Variants in SDC2 observed in about 807,000 individuals in gnomAD.
SDC2 encodes the protein syndecan 2.
SDC2 carries 13 observed loss-of-function variants against 22.2 expected under a neutral mutation model. The observed-to-expected ratio is 0.59, with a 90% CI of 0.38 to 0.93. The LOEUF (loss-of-function observed/expected upper bound fraction) is 0.93. SDC2 is among the 40% of genes least tolerant of loss of function. SDC2 has a pLI of 0.00. For synonymous variants in SDC2, 94 were observed against 92.8 expected (o/e 1.01, Z -0.07); for missense variants, 235 against 246.8 (o/e 0.95, Z 0.32).
chr8:96,588,213 AC>A (rs974666112), intron 1 of SDC2, among the ~76,000 whole-genome samples: 10 of 151,994 alleles, frequency 6.6e-5, no homozygotes, highest in African/African-American at 2.2e-4. Flanking sequence ...CTACTTTGCT[AC>A]TCTGGTGTTC....
At chr8:96,500,149 A>C (rs952124882) in intron 1 of SDC2, among the ~76,000 whole-genome samples, 3 of 152,156 alleles carry the variant, frequency 2.0e-5, no homozygotes, top group Non-Finnish European at 2.9e-5. Context: ...AGAATAAAGA[A>C]GACATTGATG....
intron 1 of SDC2, among the ~76,000 whole-genome samples, chr8:96,564,204 T>A (rs1814257712): frequency 6.6e-6 from 1 of 152,228 alleles, no homozygotes; most frequent in African/African-American, 2.4e-5. Context: ...ATCATTCCTT[T>A]GTCTCATTCA....
At chr8:96,575,160 C>T (rs1368133569) in intron 1 of SDC2, among the ~76,000 whole-genome samples, 1 of 152,156 alleles carries the variant, frequency 6.6e-6, no homozygotes, top group East Asian at 1.9e-4. Flanking sequence ...AACCCCTGTT[C>T]TAGACAACCA....
intron 1 of SDC2, among the ~76,000 whole-genome samples, chr8:96,524,458 A>G (rs535327159): frequency 3.9e-5 from 6 of 152,300 alleles, no homozygotes; most frequent in Non-Finnish European, 8.8e-5. Context: ...AACTGGCTAC[A>G]AAGATTTAAT....
chr8:96,599,295 T>C (rs1302505914), intron 2 of SDC2, among the ~76,000 whole-genome samples: 1 of 152,144 alleles, frequency 6.6e-6, no homozygotes, highest in Admixed American at 6.5e-5. Flanking sequence ...GTTACAAATC[T>C]CTTCCCTCAT....
chr8:96,602,675 A>T (rs1172608673), intron 3 of SDC2, 147 bp downstream of exon 3: 1 of 800,764 alleles, frequency 1.2e-6, no homozygotes, highest in African/African-American at 1.7e-5. Flanking sequence ...CTTTTAAAAG[A>T]CCCCACTTAA....
At chr8:96,582,185 TG>T (rs1206846274) in intron 1 of SDC2, among the ~76,000 whole-genome samples, 1 of 151,606 alleles carries the variant, frequency 6.6e-6, no homozygotes, top group Non-Finnish European at 1.5e-5. Context: ...AAAAGTTGCT[TG>T]GTTGGCCATT....
intron 1 of SDC2, among the ~76,000 whole-genome samples, chr8:96,531,659 A>T (rs891000493): frequency 6.6e-6 from 1 of 152,248 alleles, no homozygotes; most frequent in Non-Finnish European, 1.5e-5. Context: ...CACTACCTCC[A>T]TCCTTAGATT....
chr8:96,549,207 C>G (rs994089463), intron 1 of SDC2, among the ~76,000 whole-genome samples: 1 of 152,202 alleles, frequency 6.6e-6, no homozygotes, highest in Non-Finnish European at 1.5e-5. Flanking sequence ...TATTTAAAAA[C>G]AATTTTGAAT....
At chr8:96,547,961 T>C (rs1020621175) in intron 1 of SDC2, among the ~76,000 whole-genome samples, 1 of 152,072 alleles carries the variant, frequency 6.6e-6, no homozygotes, top group African/African-American at 2.4e-5. Context: ...ATGGTTTTGC[T>C]ATGTTGCCCA....
intron 1 of SDC2, among the ~76,000 whole-genome samples, chr8:96,592,016 C>A (rs566302482): frequency 6.6e-6 from 1 of 152,146 alleles, no homozygotes; most frequent in African/African-American, 2.4e-5. Flanking sequence ...AACAGGGTGG[C>A]GTCAGATTGC....
At chr8:96,533,934 C>T (rs1336559547) in intron 1 of SDC2, among the ~76,000 whole-genome samples, 1 of 152,170 alleles carries the variant, frequency 6.6e-6, no homozygotes, top group Non-Finnish European at 1.5e-5. Flanking sequence ...TGGCGGGCTG[C>T]AGGTCCTGAG....
chr8:96,594,224 A>G (rs2130635481), intron 2 of SDC2, among the ~76,000 whole-genome samples: 1 of 152,264 alleles, frequency 6.6e-6, no homozygotes, highest in East Asian at 1.9e-4. Context: ...ACAGTCATTC[A>G]TTTAACTTAT....
chr8:96,534,766 G>A (rs1813725173), intron 1 of SDC2, among the ~76,000 whole-genome samples: 2 of 151,592 alleles, frequency 1.3e-5, no homozygotes, highest in African/African-American at 4.8e-5. Context: ...AATGGTTCTC[G>A]GGGTCATCTC....
rs193156116 is a variant in SDC2 at position 96,609,718 on chromosome 8, C to T, written c.*170C>T. The T allele has an allele frequency of 1.5e-5, 7 of 466,558 alleles. No homozygotes were observed. In the Admixed American group the frequency reaches 2.1e-4, roughly 14 times the overall value. The allele number at this position is 466,558 out of a possible 1,614,324, so 28.9% of individuals were successfully genotyped here. On this transcript the variant is annotated 3_prime_UTR_variant, in exon 5 of 5. Transcript: ENST00000302190. Reference sequence around the variant, plus strand: ...CATTTCATGTATTTCTTTAGAACAACATAAAATTAAAATTTAACATCTGCA... The same window carrying T: ...CATTTCATGTATTTCTTTAGAACAATATAAAATTAAAATTTAACATCTGCA...
At chr8:96,578,391 CAAT>C (rs950814884) in intron 1 of SDC2, among the ~76,000 whole-genome samples, 1 of 152,200 alleles carries the variant, frequency 6.6e-6, no homozygotes, top group African/African-American at 2.4e-5. Flanking sequence ...ATCAGCGACT[CAAT>C]AGCCATATGT....
chr8:96,553,773 T>A (rs964697585), intron 1 of SDC2, among the ~76,000 whole-genome samples: 1 of 39,268 alleles, frequency 2.5e-5, no homozygotes, highest in Non-Finnish European at 1.4e-4. Flanking sequence ...TATTTAAAGA[T>A]TTTTTTTTTT....
chr8:96,518,287 A>G (rs1489149324), intron 1 of SDC2, among the ~76,000 whole-genome samples: 2 of 151,500 alleles, frequency 1.3e-5, no homozygotes, highest in Non-Finnish European at 2.9e-5. Flanking sequence ...AAAAAGAAAA[A>G]CCCAAGACTT....
chr8:96,603,995 C>T (rs1815036582), intron 3 of SDC2, among the ~76,000 whole-genome samples: 1 of 152,182 alleles, frequency 6.6e-6, no homozygotes, highest in African/African-American at 2.4e-5. Flanking sequence ...ATTGGTGGTA[C>T]GATGACTGCC....
Sources: gnomAD v4.1 joint callset for allele counts (sites outside exome capture counted in the v4.1 genomes callset) on GRCh38, gnomAD v4.1.1 for gene constraint, MANE v1.5 for transcripts, NCBI Gene and HGNC (gene_info 2026-07-23, HGNC 2026-07-21) for gene names.